Variants in PUDP observed in about 807,000 individuals in gnomAD.
PUDP encodes pseudouridine-5'-phosphatase.
In PUDP, 8 loss-of-function variants were observed where a neutral mutation model predicts 9.4. The ratio of observed to expected loss-of-function variants is 0.85; its 90% CI spans 0.50 to 1.53. The LOEUF is 1.53. PUDP is among the 40% of genes most tolerant of loss of function. The pLI is 0.00. For missense variants in PUDP, 188 were observed against 189.7 expected (o/e 0.99, Z 0.05); for synonymous variants, 99 against 80.7 (o/e 1.23, Z -1.22).
At chrX:6,713,116 C>A (rs986181970) in intron 1 of PUDP, among the ~76,000 whole-genome samples, 2 of 112,158 alleles carry the variant, frequency 1.8e-5, no homozygotes, top group African/African-American at 6.5e-5. Context: ...GGCTCCTCCT[C>A]CTCTGAGCCT....
At chrX:7,137,429 C>A (rs1324820669) in intron 1 of PUDP, among the ~76,000 whole-genome samples, 11 of 109,485 alleles carry the variant, frequency 1.0e-4, no homozygotes, top group African/African-American at 3.7e-4. Context: ...CACCTGCAGT[C>A]CCAGCTTCTC....
At chrX:6,753,128 C>T (rs1470110641) in intron 3 of PUDP, among the ~76,000 whole-genome samples, 1 of 111,028 alleles carries the variant, frequency 9.0e-6, no homozygotes, top group African/African-American at 3.3e-5. Context: ...ACACCCTTCC[C>T]ATCCTTTCCC....
chrX:6,984,536 T>A (rs1204916771), intron 1 of PUDP, among the ~76,000 whole-genome samples: 1 of 111,544 alleles, frequency 9.0e-6, no homozygotes, highest in African/African-American at 3.3e-5. Context: ...TAGTTCAATG[T>A]CTTCCCAAAA....
At chrX:7,044,721 G>C (rs1475046347), downstream of PUDP, among the ~76,000 whole-genome samples, 1 of 112,549 alleles carries the variant, frequency 8.9e-6, no homozygotes, top group Non-Finnish European at 1.9e-5. Flanking sequence ...GGATTAGAAT[G>C]ACAAGTGGTA....
intron 3 of PUDP, among the ~76,000 whole-genome samples, chrX:6,831,744 C>T (rs1209195115): frequency 8.9e-6 from 1 of 111,841 alleles, no homozygotes; most frequent in Non-Finnish European, 1.9e-5. Flanking sequence ...CAGCATTTTA[C>T]CTGTAGATTT....
At chrX:6,925,187 C>T (rs1024599902) in intron 3 of PUDP, among the ~76,000 whole-genome samples, 1 of 111,860 alleles carries the variant, frequency 8.9e-6, no homozygotes, top group Non-Finnish European at 1.9e-5. Flanking sequence ...TGGTGGTGCA[C>T]GCCTGTGGTC....
At chrX:6,724,377 T>C (rs1924714370), upstream of PUDP, among the ~76,000 whole-genome samples, 2 of 110,407 alleles carry the variant, frequency 1.8e-5, no homozygotes, top group Non-Finnish European at 3.8e-5. Context: ...AACTTATGAA[T>C]TGCTGCTGTT....
chrX:6,963,189 T>C (rs139683779), intron 3 of PUDP, among the ~76,000 whole-genome samples: 44 of 112,527 alleles, frequency 3.9e-4, no homozygotes, highest in African/African-American at 1.4e-3. Flanking sequence ...CACAGTCAGC[T>C]GGAAGAAAGA....
chrX:6,932,830 C>T (rs1176744769), intron 3 of PUDP, among the ~76,000 whole-genome samples: 1 of 111,734 alleles, frequency 8.9e-6, no homozygotes, highest in Non-Finnish European at 1.9e-5. Context: ...CCACACCTGG[C>T]TCGGAGGGTC....
intron 3 of PUDP, among the ~76,000 whole-genome samples, chrX:6,851,573 G>A (rs1434698250): frequency 9.0e-6 from 1 of 111,532 alleles, no homozygotes; most frequent in African/African-American, 3.3e-5. Flanking sequence ...GCATTATTTT[G>A]AAATGTTATT....
intron 1 of PUDP, among the ~76,000 whole-genome samples, chrX:6,999,318 A>G (rs765000470): frequency 6.3e-5 from 7 of 111,971 alleles, no homozygotes; most frequent in Non-Finnish European, 1.3e-4. Flanking sequence ...GAAACACTCT[A>G]TAAAAAAAGT....
At chrX:6,940,413 GT>G (rs1445179880) in intron 3 of PUDP, among the ~76,000 whole-genome samples, 5 of 112,491 alleles carry the variant, frequency 4.4e-5, no homozygotes, top group Non-Finnish European at 7.5e-5. Flanking sequence ...GCAATTACAG[GT>G]GTTGATGGGA....
rs1279630797 is a variant in PUDP at position 6,785,896 on chromosome X, T to C, written c.*248-79430A>G. Among the ~76,000 whole-genome samples the C allele has an allele frequency of 4.5e-5, 5 of 111,711 alleles. No homozygotes were observed. In the Admixed American group the frequency reaches 4.8e-4, roughly 11 times the overall value. On this transcript the variant is annotated intron_variant and NMD_transcript_variant, in intron 3 of 3. Coordinates refer to the PUDP transcript ENST00000655425. ...CTTGCCCAATGTATGCTTTTCTTTT[T>C]CAAGTTAATGAGAGGCTTTCTCTTC...
intron 1 of PUDP, among the ~76,000 whole-genome samples, chrX:7,009,360 G>C (rs1307912508): frequency 8.9e-6 from 1 of 111,980 alleles, no homozygotes; most frequent in Non-Finnish European, 1.9e-5. Flanking sequence ...ATACTTCGGA[G>C]GGTAAAAAGT....
At chrX:6,815,187 AG>A (rs200083858) in intron 3 of PUDP, among the ~76,000 whole-genome samples, 68 of 108,731 alleles carry the variant, frequency 6.3e-4, no homozygotes, top group South Asian at 2.0e-3. Flanking sequence ...AAAAAAAAAA[AG>A]AAAGAAACCC....
In PUDP at chrX:6,840,350, A is replaced by C. The variant is rs1034822915; in HGVS notation, c.*248-133884T>G. 2.7e-5 allele frequency among the ~76,000 whole-genome samples: 3 copies of C among 112,203 alleles called. No homozygotes were observed. The South Asian group carries it at 1.1e-3, about 42-fold the overall frequency. ...GTCTTTATCAGCAGCATGAGAATGG[A>C]CTAATACAGTAGGTAAATGGATAAA... On this transcript the variant is annotated intron_variant and NMD_transcript_variant, in intron 3 of 3. Transcript: ENST00000655425.
chrX:7,103,218 T>C (rs1156289447), intron 2 of PUDP, among the ~76,000 whole-genome samples: 4 of 111,924 alleles, frequency 3.6e-5, no homozygotes, highest in Admixed American at 9.5e-5. Context: ...GCCTACATAC[T>C]AATAGAATAG....
intron 3 of PUDP, among the ~76,000 whole-genome samples, chrX:6,968,831 G>A (rs1161363071): frequency 9.0e-6 from 1 of 111,139 alleles, no homozygotes; most frequent in Non-Finnish European, 1.9e-5. Context: ...CGTTGGCCAG[G>A]CTGGTCTCAA....
At chrX:7,029,791 C>T (rs975732329) in intron 1 of PUDP, among the ~76,000 whole-genome samples, 12 of 111,921 alleles carry the variant, frequency 1.1e-4, no homozygotes, top group Non-Finnish European at 1.1e-4. Context: ...CTTTACCCAA[C>T]ACTCATTGGC....
Sources: allele counts gnomAD v4.1 joint callset (sites outside exome capture counted in the v4.1 genomes callset), GRCh38; gene constraint gnomAD v4.1.1; transcripts MANE v1.5; gene names NCBI Gene and HGNC (gene_info 2026-07-23, HGNC 2026-07-21).